Variants in THEMIS observed in about 807,000 individuals in gnomAD.
The protein encoded by THEMIS is protein THEMIS.
In THEMIS, 37 loss-of-function variants were observed where a neutral mutation model predicts 52.6. That is an observed-to-expected ratio of 0.70 (90% CI 0.54 to 0.93). The LOEUF (loss-of-function observed/expected upper bound fraction) is 0.93. THEMIS is among the 40% of genes least tolerant of loss of function. The probability of loss-of-function intolerance (pLI) is 0.00; values close to 1 mark genes in which losing one functional copy is unlikely to be tolerated. For missense variants in THEMIS, 808 were observed against 763.1 expected, an observed-to-expected ratio of 1.06 and a Z score of -0.69; for synonymous variants, 292 against 272.7, an observed-to-expected ratio of 1.07 and a Z score of -0.70.
intron 2 of THEMIS, among the ~76,000 whole-genome samples, chr6:127,830,837 A>G (rs534802260): frequency 6.6e-6 from 1 of 152,370 alleles, no homozygotes; most frequent in African/African-American, 2.4e-5. Flanking sequence ...TGTGTATTTT[A>G]CCACAGTGAA....
chr6:127,816,912 C>T (rs1403401054), intron 3 of THEMIS, among the ~76,000 whole-genome samples: 1 of 152,196 alleles, frequency 6.6e-6, no homozygotes, highest in African/African-American at 2.4e-5. Context: ...CTGCCTGTTA[C>T]ATACTTCAGC....
At chr6:127,705,605 A>G (rs781378695), downstream of THEMIS, among the ~76,000 whole-genome samples, 26 of 152,062 alleles carry the variant, frequency 1.7e-4, no homozygotes, top group Non-Finnish European at 3.4e-4. Context: ...ATTGAAATAT[A>G]CTCCAGGTAT....
At chr6:127,899,776 A>G (rs1298450171) in intron 1 of THEMIS, among the ~76,000 whole-genome samples, 1 of 151,550 alleles carries the variant, frequency 6.6e-6, no homozygotes, top group Non-Finnish European at 1.5e-5. Flanking sequence ...CATTGATAAT[A>G]TGATTATACA....
upstream of THEMIS, among the ~76,000 whole-genome samples, chr6:127,904,763 A>G (rs1293440278): frequency 6.6e-6 from 1 of 152,088 alleles, no homozygotes; most frequent in Admixed American, 6.6e-5. Flanking sequence ...GTTCAAAACT[A>G]GAAGACAAGA....
chr6:127,813,141 C>T lies in THEMIS; in HGVS notation c.1500G>A (p.Glu500=). ...LLISDFANPT[E]CWEIPVGRLN... ...AGCGGCCCACAGGAATTTCCCAGCACTCCGTGGGGTTGGCAAAGTCACTTA... is the reference window on the plus strand; with the variant it reads ...AGCGGCCCACAGGAATTTCCCAGCATTCCGTGGGGTTGGCAAAGTCACTTA... The change falls in exon 4 of 6, where the codon GAG becomes GAA. Residue 500 remains glutamate, a synonymous_variant. Transcript: ENST00000368248. The T allele has an allele frequency of 6.2e-7, 1 of 1,614,132 alleles. No individual in the cohort carries two copies.
chr6:127,876,029 T>A (rs1780304153), intron 1 of THEMIS, among the ~76,000 whole-genome samples: 1 of 152,266 alleles, frequency 6.6e-6, no homozygotes. Context: ...TGACATCCAA[T>A]GTTTTCCTAC....
chr6:127,730,791 T>G (rs1314594444), intron 4 of THEMIS, among the ~76,000 whole-genome samples: 1 of 152,210 alleles, frequency 6.6e-6, no homozygotes, highest in Non-Finnish European at 1.5e-5. Context: ...AAAGTTATGT[T>G]TTTATCTTTT....
intron 1 of THEMIS, among the ~76,000 whole-genome samples, chr6:127,895,313 G>A (rs962077313): frequency 1.3e-5 from 2 of 151,324 alleles, no homozygotes; most frequent in Admixed American, 6.6e-5. Context: ...GCTCTAGCCT[G>A]TAATAAAAAG....
chr6:127,769,511 C>T (rs746536749), intron 4 of THEMIS, among the ~76,000 whole-genome samples: 5 of 152,034 alleles, frequency 3.3e-5, no homozygotes, highest in Non-Finnish European at 5.9e-5. Flanking sequence ...CTGAAAGTCA[C>T]AAAGCTTAAG....
At chr6:127,710,137 A>C in intron 5 of THEMIS, 121 bp from the exon 6 acceptor site, 1 of 597,508 alleles carries the variant, frequency 1.7e-6, no homozygotes, top group Non-Finnish European at 2.7e-6. Flanking sequence ...AACGGTTGGA[A>C]GCAAAGCAGA....
At chr6:127,803,064 A>G (rs369376064) in intron 4 of THEMIS, among the ~76,000 whole-genome samples, 90 of 152,298 alleles carry the variant, frequency 5.9e-4, no homozygotes, top group African/African-American at 2.0e-3. Flanking sequence ...CACCTACCAT[A>G]TGCTAAAATT....
Position 127,850,524 on chromosome 6 carries a change from G to A in THEMIS, c.250+4506C>T, listed in dbSNP as rs552876759. On this transcript the variant is annotated intron_variant, in intron 2 of 5. Coordinates refer to ENST00000368248, the MANE Select transcript of THEMIS (RefSeq NM_001010923.3). ...ACCAACAAATGGATTAAAAAATGTA[G>A]TATATATACACCATGGAATATTACT... Among the ~76,000 whole-genome samples, 12 of 151,896 alleles carry A rather than the reference G, an allele frequency of 7.9e-5. No individual in the cohort carries two copies. The South Asian group carries it at 2.5e-3, about 32-fold the overall frequency.
intron 1 of THEMIS, among the ~76,000 whole-genome samples, chr6:127,871,948 T>C (rs1452764383): frequency 1.3e-5 from 2 of 152,082 alleles, no homozygotes; most frequent in Admixed American, 1.3e-4. Flanking sequence ...ATTTAGCTAG[T>C]GAAGCTAGTA....
the THEMIS span, among the ~76,000 whole-genome samples, chr6:127,700,342 C>T: frequency 6.6e-6 from 1 of 151,572 alleles, no homozygotes; most frequent in Admixed American, 6.6e-5. Context: ...AAATATTCAG[C>T]CCAGCTTGAG....
chr6:127,834,074 A>T (rs1334226582), intron 2 of THEMIS, among the ~76,000 whole-genome samples: 1 of 152,186 alleles, frequency 6.6e-6, no homozygotes, highest in African/African-American at 2.4e-5. Context: ...TGACTCCAAC[A>T]ATCTTCAAAG....
chr6:127,714,607 G>T (rs1774095230), intron 5 of THEMIS, among the ~76,000 whole-genome samples: 1 of 151,766 alleles, frequency 6.6e-6, no homozygotes, highest in Admixed American at 6.6e-5. Context: ...GAACTTTCCT[G>T]TAAGATAAGT....
chr6:127,719,576 G>C, intron 5 of THEMIS, 112 bp downstream of exon 5: 2 of 967,774 alleles, frequency 2.1e-6, no homozygotes, highest in Admixed American at 2.8e-5. Flanking sequence ...GTGATCACTT[G>C]GGCTGAGTCA....
At chr6:127,741,882 A>G (rs1033201992) in intron 4 of THEMIS, among the ~76,000 whole-genome samples, 4 of 152,222 alleles carry the variant, frequency 2.6e-5, no homozygotes, top group African/African-American at 4.8e-5. Flanking sequence ...AGATATTGCT[A>G]CAGAACAAGT....
chr6:127,739,498 G>T (rs887855018), intron 4 of THEMIS, among the ~76,000 whole-genome samples: 3 of 152,056 alleles, frequency 2.0e-5, no homozygotes, highest in Non-Finnish European at 4.4e-5. Flanking sequence ...AAAATTAGCC[G>T]GGTGTGGTGG....
Sources: gnomAD v4.1 joint callset for allele counts (sites outside exome capture counted in the v4.1 genomes callset) on GRCh38, gnomAD v4.1.1 for gene constraint, MANE v1.5 for transcripts, NCBI Gene and HGNC (gene_info 2026-07-23, HGNC 2026-07-21) for gene names.